Variants in FAT2 observed in about 807,000 individuals in gnomAD.
FAT2 encodes FAT atypical cadherin 2, also known as protocadherin Fat 2.
A neutral mutation model predicts 295.3 loss-of-function variants in FAT2; 150 were observed. The ratio of observed to expected loss-of-function variants is 0.51; its 90% CI spans 0.44 to 0.58. The LOEUF (loss-of-function observed/expected upper bound fraction) is 0.58. Among genes scored for constraint, FAT2 ranks in the 20% least tolerant of loss-of-function variants. FAT2 has a pLI of 0.00. For missense variants in FAT2, 4,868 were observed against 5,442.7 expected, an observed-to-expected ratio of 0.89 and a Z score of 3.32; for synonymous variants, 2,026 against 2,150.3, an observed-to-expected ratio of 0.94 and a Z score of 1.60.
rs145355115 is a variant in FAT2, at chr5:151,565,811, C to G, written c.3121G>C (p.Val1041Leu). The G allele has an allele frequency of 6.2e-7, 1 of 1,614,144 alleles. No individual in the cohort carries two copies. Among genetic ancestry groups the G allele is most frequent in the Non-Finnish European group, 8.5e-7 (1 of 1,180,012 alleles). Residue 1041 changes from valine (V) to leucine (L), a missense_variant, in exon 2 of 24, where the codon GTG becomes CTG. Physicochemically the swap from Val to Leu is conservative, Grantham distance 32 (BLOSUM62 1). Coordinates refer to ENST00000261800, the MANE Select transcript of FAT2 (RefSeq NM_001447.3). ...GTTCCCGAGGGGCTGTTCTCCTGCACCTGGCCCTGGTGCACGAAGGAGGCA... is the reference window on the plus strand; with the variant it reads ...GTTCCCGAGGGGCTGTTCTCCTGCAGCTGGCCCTGGTGCACGAAGGAGGCA... The part of the protein sequence containing the change: ...HFASFVHQGQ[V>L]QENSPSGTQV...
chr5:151,568,012 G>T lies in FAT2; in HGVS notation c.920C>A (p.Ala307Asp). ...CACCAAACTGAACTCATTGCTCCGG[G>T]CATAAGACTTGATGGCTTTGAAGTG... ...GKHFKAIKSY[A>D]RSNEFSLVSV... Residue 307 changes from alanine (A) to aspartate (D), a missense_variant, in exon 2 of 24, where the codon GCC becomes GAC. Coordinates refer to ENST00000261800, the MANE Select transcript of FAT2 (RefSeq NM_001447.3). 1 of 1,614,180 alleles carries T rather than the reference G, an allele frequency of 6.2e-7. No homozygotes were observed. The highest frequency in any genetic ancestry group is 8.5e-7 in the Non-Finnish European group (1 of 1,180,026).
chr5:151,569,567 A>C (rs1561880127), intron 1 of FAT2, among the ~76,000 whole-genome samples: 1 of 152,184 alleles, frequency 6.6e-6, no homozygotes, highest in East Asian at 1.9e-4. Context: ...CCCCAATGTC[A>C]ATAGTGCCAT....
rs745803129 is a variant in FAT2 at position 151,563,440 on chromosome 5, G to A, written c.3459C>T (p.Gly1153=). 6.2e-7 allele frequency: 1 copy of A among 1,614,220 alleles called. No homozygotes were observed. The highest frequency in any genetic ancestry group is 1.7e-5 in the Admixed American group (1 of 60,032). The change falls in exon 3 of 24, where the codon GGC becomes GGT. Residue 1153 remains glycine (G), a synonymous_variant. Coordinates refer to ENST00000261800, the MANE Select transcript of FAT2 (RefSeq NM_001447.3). ...AGGCATCCAGTTGAAGCACAGAGGT[G>A]CCCACGGGAGCATCCTCCTGGATGG... ...YPSIQEDAPV[G]TSVLQLDAWD... is the part of the protein sequence containing the mutation.
intron 20 of FAT2, among the ~76,000 whole-genome samples, chr5:151,516,290 G>A (rs997978): frequency 0.7 from 106,915 of 152,044 alleles, 38,218 homozygotes; most frequent in East Asian, 0.96. Flanking sequence ...TGGGTGGATC[G>A]CTTGAGGCCA....
At position 151,521,780 on chromosome 5, in the gene FAT2, T is replaced by C. The variant is rs771547064; in HGVS notation, c.10813A>G (p.Ser3605Gly). 1.2e-6 allele frequency: 2 copies of C among 1,614,186 alleles called. No homozygotes were observed. The highest frequency in any genetic ancestry group is 2.2e-5 in the South Asian group (2 of 91,086). Residue 3605 changes from serine (S) to glycine (G), a missense_variant, in exon 19 of 24, where the codon AGC (serine) becomes GGC (glycine). Ser to Gly is a moderately conservative substitution (Grantham distance 56, BLOSUM62 0). This residue lies in a region of FAT2 where 1,046 missense variants were observed against 1,210.1 expected (regional missense o/e 0.86). Transcript: ENST00000261800. ...RGHYSFNVTV[S>G]DGTFTTTAGV... The stretch of plus-strand genomic sequence containing the variant: ...GCAGTCGTGGTGAAGGTCCCATCGC[T>C]GACCGTGACGTTGAACGAGTAGTGG...
chr5:151,510,427 A>G, intron 21 of FAT2: 2 of 390,454 alleles, frequency 5.1e-6, no homozygotes, highest in East Asian at 9.0e-5. Context: ...CAGGATAACA[A>G]CCATAGACAC....
chr5:151,521,076 G>A (rs368797117), intron 19 of FAT2, among the ~76,000 whole-genome samples, 200 bp downstream of exon 19: 12 of 152,162 alleles, frequency 7.9e-5, no homozygotes, highest in Non-Finnish European at 1.0e-4. Context: ...TCTAAATCTC[G>A]AAAGGGAGCT....
rs1277308388 is a variant in FAT2, at chr5:151,512,073, G to T, written c.11905+92C>A. 1.6e-6 allele frequency: 2 copies of T among 1,223,794 alleles called. No homozygotes were observed. The highest frequency in any genetic ancestry group is 2.3e-6 in the Non-Finnish European group (2 of 877,718). 75.8% of individuals were successfully genotyped at this position (1,223,794 alleles called of 1,614,324 possible). A position where few individuals can be genotyped will look rare whatever the true frequency, so the allele number is the denominator to read the frequency against. ...GGAAGAGAGAGAAATTTGGAACCAG[G>T]AGGCTCTGAGATCTCCACCCTGACA... is the stretch of plus-strand genomic sequence containing the variant. On this transcript the variant is annotated intron_variant, in intron 21 of 23. Coordinates refer to ENST00000261800, the MANE Select transcript of FAT2 (RefSeq NM_001447.3). The surrounding 1 kb of genome is among the most constrained non-coding windows in gnomAD (Gnocchi z 4.1).
In FAT2 at chr5:151,505,723, C is replaced by A. The variant is rs748090611; in HGVS notation, c.12892G>T (p.Val4298Leu). 4.2e-5 allele frequency: 68 copies of A among 1,613,776 alleles called. No individual in the cohort carries two copies. The highest frequency in any genetic ancestry group is 5.6e-5 in the Non-Finnish European group (66 of 1,179,818). The change falls in exon 24 of 24, where the codon GTG becomes TTG. Residue 4298 changes from valine to leucine, a missense_variant. Physicochemically the swap from Val to Leu is conservative, Grantham distance 32 (BLOSUM62 1). This residue lies in a region of FAT2 where 492 missense variants were observed against 482.6 expected (regional missense o/e 1.02). Coordinates refer to ENST00000261800, the MANE Select transcript of FAT2 (RefSeq NM_001447.3). ...PCLADGGYKGVGMRLSRAGPS... is the reference protein window; with the variant it reads ...PCLADGGYKGLGMRLSRAGPS... ...CCAGCTCGGCTGAGGCGCATACCCACCCCCTTGTAGCCCCCGTCTGCCAGG... is the reference window on the plus strand; with the variant it reads ...CCAGCTCGGCTGAGGCGCATACCCAACCCCTTGTAGCCCCCGTCTGCCAGG...
chr5:151,566,809 T>A lies in FAT2; in HGVS notation c.2123A>T (p.Asn708Ile), dbSNP rs1411687643. The A allele has an allele frequency of 6.2e-7, 1 of 1,614,058 alleles. No homozygotes were observed. Among genetic ancestry groups the A allele is most frequent in the Non-Finnish European group, 8.5e-7 (1 of 1,180,038 alleles). Residue 708 changes from asparagine (N) to isoleucine (I), a missense_variant, in exon 2 of 24, where the codon AAT becomes ATT. Around this residue, in one of 5 missense-constraint regions of FAT2, gnomAD observed 3,297 missense variants for 3,669.4 expected, o/e 0.90. Transcript: ENST00000261800. Reference sequence around the variant, plus strand: ...GTCCTCAAACTGTGGGGTGTAATGATTAATCTGATATGTGCTTAAAGAAGT... The same window carrying A: ...GTCCTCAAACTGTGGGGTGTAATGAATAATCTGATATGTGCTTAAAGAAGT... ...EFTSLSTYQI[N>I]HYTPQFEDHF...
intron 1 of FAT2, among the ~76,000 whole-genome samples, chr5:151,572,472 G>A (rs114936518): frequency 1.7e-3 from 261 of 152,344 alleles, no homozygotes; most frequent in African/African-American, 6.0e-3. Context: ...TCTGGAAAGA[G>A]CTGTGGTCAC....
At chr5:151,509,311 G>A (rs1427714019) in intron 22 of FAT2, 1 of 152,248 alleles carries the variant, frequency 6.6e-6, no homozygotes, top group Non-Finnish European at 1.5e-5. Context: ...TAGGGCTGGG[G>A]AAATCTCTAA....
chr5:151,536,348 A>G (rs1755282575), intron 12 of FAT2, among the ~76,000 whole-genome samples: 2 of 152,256 alleles, frequency 1.3e-5, no homozygotes, highest in South Asian at 4.2e-4. Context: ...GAAGGACAGC[A>G]TTGTCCCCTA....
intron 1 of FAT2, among the ~76,000 whole-genome samples, chr5:151,574,948 G>C (rs568317249): frequency 6.6e-6 from 1 of 152,208 alleles, no homozygotes; most frequent in Non-Finnish European, 1.5e-5. Flanking sequence ...GTAAAATGGA[G>C]ATAATAATAG....
intron 7 of FAT2, among the ~76,000 whole-genome samples, chr5:151,551,110 T>C (rs76230190): frequency 2.8e-4 from 42 of 150,938 alleles, no homozygotes; most frequent in East Asian, 2.3e-3. Context: ...TCAAGTGAAA[T>C]GTTGTGTGAA....
rs1385569098 is a variant in FAT2 at position 151,567,196 on chromosome 5, A to G, written c.1736T>C (p.Val579Ala). Residue 579 changes from valine (V) to alanine (A), a missense_variant, in exon 2 of 24, where the codon GTA (valine) becomes GCA (alanine). By Grantham distance (64) the Val-to-Ala change is moderately conservative. Around this residue, in one of 5 missense-constraint regions of FAT2, gnomAD observed 3,297 missense variants for 3,669.4 expected, o/e 0.90. Coordinates refer to ENST00000261800, the MANE Select transcript of FAT2 (RefSeq NM_001447.3). ...CTGSIRQDWP[V>A]GKSIMTMSAI... ...TGACATAGTCATTATCGATTTCCCT[A>G]CTGGCCAGTCTTGGCGGATAGACCC... 2.5e-6 allele frequency: 4 copies of G among 1,614,128 alleles called. No homozygotes were observed. The highest frequency in any genetic ancestry group is 3.4e-6 in the Non-Finnish European group (4 of 1,180,006).
At position 151,505,558 on chromosome 5, in the gene FAT2, T is replaced by A; in HGVS notation, c.*7A>T. ...CCTCCCGCCTGCCTTGCTCTGGGAATGGGAAGCTAGAACATGACCTCCTCA... is the reference window on the plus strand; with the variant it reads ...CCTCCCGCCTGCCTTGCTCTGGGAAAGGGAAGCTAGAACATGACCTCCTCA... On this transcript the variant is annotated 3_prime_UTR_variant, in exon 24 of 24. Coordinates refer to ENST00000261800, the MANE Select transcript of FAT2 (RefSeq NM_001447.3). 1.2e-6 allele frequency: 2 copies of A among 1,613,958 alleles called. No individual in the cohort carries two copies. Among genetic ancestry groups the A allele is most frequent in the Non-Finnish European group, 1.7e-6 (2 of 1,179,966 alleles).
chr5:151,539,125 G>A (rs1755834742), intron 11 of FAT2, among the ~76,000 whole-genome samples: 1 of 152,116 alleles, frequency 6.6e-6, no homozygotes, highest in Admixed American at 6.5e-5. Context: ...TGAGGGAAAA[G>A]AGAAGGAAGG....
chr5:151,513,432 T>C (rs1282839811), intron 20 of FAT2, among the ~76,000 whole-genome samples: 5 of 152,210 alleles, frequency 3.3e-5, no homozygotes, highest in Non-Finnish European at 7.3e-5. Context: ...AATGAGATTA[T>C]GTCCTTTGCA....
Sources: allele counts gnomAD v4.1 joint callset (sites outside exome capture counted in the v4.1 genomes callset), GRCh38; gene constraint gnomAD v4.1.1; regional missense constraint gnomAD v4.1.1; non-coding constraint Gnocchi (gnomAD v3.1); transcripts MANE v1.5; gene names NCBI Gene and HGNC (gene_info 2026-07-23, HGNC 2026-07-21).